The following NCKAP5 variants were observed in gnomAD, a reference collection of about 807,000 sequenced individuals.
NCKAP5 encodes NCK associated protein 5.
NCKAP5 carries 92 observed loss-of-function variants against 167.0 expected under a neutral mutation model. The ratio of observed to expected loss-of-function variants is 0.55; its 90% confidence interval spans 0.47 to 0.66. The LOEUF (loss-of-function observed/expected upper bound fraction) is 0.66. Among genes scored for constraint, NCKAP5 ranks in the 30% least tolerant of loss-of-function variants. The pLI is 0.00. For synonymous variants in NCKAP5, 891 were observed against 877.4 expected (o/e 1.02, Z -0.27); for missense variants, 2,378 against 2,315.0 (o/e 1.03, Z -0.56).
At chr2:133,286,603 C>A (rs1177309621) in intron 4 of NCKAP5, among the ~76,000 whole-genome samples, 1 of 151,856 alleles carries the variant, frequency 6.6e-6, no homozygotes, top group African/African-American at 2.4e-5. Context: ...GAATAACAAC[C>A]CTCTCTCAAA....
intron 6 of NCKAP5, among the ~76,000 whole-genome samples, chr2:133,083,159 C>T (rs2080869604): frequency 6.6e-6 from 1 of 152,120 alleles, no homozygotes; most frequent in African/African-American, 2.4e-5. Context: ...TTGACAGTTG[C>T]TCAGATTCGC....
intron 6 of NCKAP5, among the ~76,000 whole-genome samples, chr2:133,084,271 T>C (rs2080909045): frequency 6.6e-6 from 1 of 152,134 alleles, no homozygotes; most frequent in Admixed American, 6.6e-5. Context: ...CTGGAATGAA[T>C]GGTGTACAGT....
chr2:133,332,478 C>T (rs1195230137), intron 3 of NCKAP5, among the ~76,000 whole-genome samples: 1 of 152,136 alleles, frequency 6.6e-6, no homozygotes, highest in Non-Finnish European at 1.5e-5. Flanking sequence ...AACCAATTAT[C>T]TCAGGGGTGC....
intron 2 of NCKAP5, among the ~76,000 whole-genome samples, chr2:133,557,179 A>G (rs1254340306): frequency 6.6e-6 from 1 of 152,230 alleles, no homozygotes; most frequent in Admixed American, 6.5e-5. Context: ...AAATATCATA[A>G]GAGAAATCTG....
At chr2:133,275,383 A>G (rs1028256415) in intron 4 of NCKAP5, among the ~76,000 whole-genome samples, 1 of 150,278 alleles carries the variant, frequency 6.7e-6, no homozygotes. Flanking sequence ...ACTCACGGAA[A>G]AGGCTCACAC....
chr2:133,491,654 TA>T (rs1200105684), intron 3 of NCKAP5, among the ~76,000 whole-genome samples: 2 of 152,158 alleles, frequency 1.3e-5, no homozygotes, highest in Non-Finnish European at 2.9e-5. Flanking sequence ...TCTCCATCCC[TA>T]TGAAGTGAGG....
chr2:132,975,889 T>TCATGGACTTA (rs1464794104), intron 7 of NCKAP5, among the ~76,000 whole-genome samples: 1 of 152,016 alleles, frequency 6.6e-6, no homozygotes, highest in Non-Finnish European at 1.5e-5. Context: ...GAAGCTGAGC[T>TCATGGACTTA]CATGGACTTA....
intron 7 of NCKAP5, among the ~76,000 whole-genome samples, chr2:132,982,066 A>G (rs1354206600): frequency 2.0e-5 from 3 of 152,238 alleles, no homozygotes; most frequent in Non-Finnish European, 4.4e-5. Context: ...GGCACTGGCC[A>G]TAGAAGTACA....
intron 3 of NCKAP5, among the ~76,000 whole-genome samples, chr2:133,447,900 C>A (rs1030794): frequency 0.14 from 21,294 of 152,166 alleles, 1,745 homozygotes; most frequent in African/African-American, 0.22. Flanking sequence ...CTGGCTGAGA[C>A]AGGGTGCCAC....
intron 19 of NCKAP5, among the ~76,000 whole-genome samples, chr2:132,718,831 G>C (rs1275191228): frequency 6.6e-6 from 1 of 152,170 alleles, no homozygotes; most frequent in East Asian, 1.9e-4. Flanking sequence ...TTCAGAGCAT[G>C]AATGACCAGC....
In NCKAP5 at chr2:132,915,144, G is replaced by A. The variant is rs1249180376; in HGVS notation, c.580-36228C>T. ...CCAGACATGTGATGAACCTAAGACCGGATGGACCATTTGATGGATCTGCTA... is the reference window on the plus strand; with the variant it reads ...CCAGACATGTGATGAACCTAAGACCAGATGGACCATTTGATGGATCTGCTA... On this transcript the variant is annotated intron_variant, in intron 8 of 19. Coordinates refer to ENST00000409261, the MANE Select transcript of NCKAP5 (RefSeq NM_207363.3). Among the ~76,000 whole-genome samples, 14 of 152,020 alleles carry A rather than the reference G, an allele frequency of 9.2e-5. 1 individual carries two copies. The highest frequency in any genetic ancestry group is 1.5e-5 in the Non-Finnish European group (1 of 67,996).
chr2:133,466,280 T>G (rs1022725997), intron 3 of NCKAP5, among the ~76,000 whole-genome samples: 12 of 148,020 alleles, frequency 8.1e-5, no homozygotes, highest in Non-Finnish European at 1.6e-4. Context: ...CTTTCCCCAT[T>G]GCTTGTTTTT....
At chr2:132,820,229 G>GTTTTC (rs1553451369) in intron 11 of NCKAP5, among the ~76,000 whole-genome samples, 1 of 145,516 alleles carries the variant, frequency 6.9e-6, no homozygotes, top group South Asian at 2.3e-4. Context: ...GTTTTGTTTT[G>GTTTTC]TTTTTGTTTT....
chr2:133,640,779 T>C, the NCKAP5 span, among the ~76,000 whole-genome samples: 1 of 152,228 alleles, frequency 6.6e-6, no homozygotes, highest in Admixed American at 6.5e-5. Flanking sequence ...TCTTAAAGAA[T>C]TACTGTGCTT....
chr2:132,686,235 T>C (rs1357387509), intron 19 of NCKAP5, among the ~76,000 whole-genome samples: 1 of 152,218 alleles, frequency 6.6e-6, no homozygotes, highest in African/African-American at 2.4e-5. Context: ...CAGCTGAGGA[T>C]GGCAGCAAGC....
chr2:133,101,303 T>C (rs2081506210), intron 6 of NCKAP5, among the ~76,000 whole-genome samples: 1 of 141,340 alleles, frequency 7.1e-6, no homozygotes, highest in African/African-American at 2.8e-5. Flanking sequence ...TTGGTTACTG[T>C]AGCCTTGTAG....
intron 4 of NCKAP5, among the ~76,000 whole-genome samples, chr2:133,262,026 T>A (rs760128006): frequency 4.6e-5 from 7 of 152,242 alleles, no homozygotes; most frequent in African/African-American, 9.6e-5. Context: ...CAAAGTGATA[T>A]GAAAATTATA....
Position 133,148,679 on chromosome 2 carries a change from TC to T in NCKAP5, c.208-18569del, listed in dbSNP as rs912536632. Among the ~76,000 whole-genome samples the T allele has an allele frequency of 2.6e-5, 4 of 152,222 alleles. No individual in the cohort carries two copies. In the East Asian group the frequency reaches 5.8e-4, roughly 22 times the overall value. On this transcript the variant is annotated intron_variant, in intron 5 of 19. Transcript: ENST00000409261. ...ATTCAGTTCCTGGTGAGGGCTCTCT[TC>T]CTGGTTTACAGATGGACACCTGCCC...
At chr2:133,384,592 G>T (rs1464969174) in intron 3 of NCKAP5, among the ~76,000 whole-genome samples, 2 of 152,220 alleles carry the variant, frequency 1.3e-5, no homozygotes, top group Non-Finnish European at 2.9e-5. Context: ...ATTCTGTGAA[G>T]AAAGGCATTG....
Sources: gnomAD v4.1 joint callset for allele counts (sites outside exome capture counted in the v4.1 genomes callset) on GRCh38, gnomAD v4.1.1 for gene constraint, MANE v1.5 for transcripts, NCBI Gene and HGNC (gene_info 2026-07-23, HGNC 2026-07-21) for gene names.